Variants in CNIH3 observed in about 807,000 individuals in gnomAD.
CNIH3 encodes protein cornichon homolog 3.
In CNIH3, 14 loss-of-function variants were observed where a neutral mutation model predicts 24.1. The ratio of observed to expected loss-of-function variants is 0.58; its 90% CI spans 0.38 to 0.91. The LOEUF is 0.91. Among genes scored for constraint, CNIH3 ranks in the 40% least tolerant of loss-of-function variants. The probability of loss-of-function intolerance (pLI) is 0.00; values close to 1 mark genes in which losing one functional copy is unlikely to be tolerated. For missense variants in CNIH3, 178 were observed against 196.8 expected, an observed-to-expected ratio of 0.90 and a Z score of 0.57; for synonymous variants, 68 against 73.8, an observed-to-expected ratio of 0.92 and a Z score of 0.40.
intron 1 of CNIH3, among the ~76,000 whole-genome samples, chr1:224,446,313 A>G (rs1675165662): frequency 6.6e-6 from 1 of 151,720 alleles, no homozygotes; most frequent in Non-Finnish European, 1.5e-5. Flanking sequence ...CAATTTGTCA[A>G]ATTTTGATTG....
chr1:224,479,548 C>T (rs1350785453), intron 1 of CNIH3, among the ~76,000 whole-genome samples: 2 of 152,206 alleles, frequency 1.3e-5, no homozygotes, highest in Non-Finnish European at 2.9e-5. Context: ...ACCTATGAGC[C>T]TGTTAAATCA....
chr1:224,487,002 C>G (rs1252497699), intron 1 of CNIH3, among the ~76,000 whole-genome samples: 4 of 152,160 alleles, frequency 2.6e-5, no homozygotes, highest in Admixed American at 1.3e-4. Context: ...GATCTATAAC[C>G]AAACTCATAA....
chr1:224,730,705 T>C (rs867173221), intron 4 of CNIH3, 131 bp downstream of exon 4: 50 of 616,036 alleles, frequency 8.1e-5, no homozygotes, highest in African/African-American at 7.2e-4. Context: ...GTCTCTCTCT[T>C]TAAAGCCTGT....
intron 5 of CNIH3, among the ~76,000 whole-genome samples, chr1:224,736,894 C>A (rs1251204002): frequency 6.6e-6 from 1 of 152,204 alleles, no homozygotes; most frequent in Non-Finnish European, 1.5e-5. Flanking sequence ...GGACTTGCCA[C>A]CTTGGAGGTT....
intron 3 of CNIH3, among the ~76,000 whole-genome samples, chr1:224,701,290 C>T (rs201362141): frequency 6.6e-6 from 1 of 151,898 alleles, no homozygotes; most frequent in East Asian, 1.9e-4. Context: ...ACAAAATACC[C>T]TAGACTCAGT....
rs554844229 is a variant in CNIH3, at chr1:224,570,421, C to T, written n.516+4157C>T. On this transcript the variant is annotated intron_variant and non_coding_transcript_variant, in intron 4 of 5. Transcript: ENST00000471578. ...CTTATAAGTGAGAACATGCGATATT[C>T]GGTTTTCTGTTTCTGCATTAATTTG... is the stretch of plus-strand genomic sequence containing the variant. Among the ~76,000 whole-genome samples the T allele has an allele frequency of 3.9e-5, 6 of 152,222 alleles. No individual in the cohort carries two copies. In the South Asian group the frequency reaches 1.0e-3, roughly 26 times the overall value.
chr1:224,538,938 G>A (rs1240132656), downstream of CNIH3, among the ~76,000 whole-genome samples: 3 of 150,606 alleles, frequency 2.0e-5, no homozygotes, highest in Non-Finnish European at 2.9e-5. Context: ...AAAGTGCTGC[G>A]ATTACAGGCA....
At position 224,543,271 on chromosome 1, in the gene CNIH3, A is replaced by G. The variant is rs567239222; in HGVS notation, n.340-3558A>G. 6.6e-5 allele frequency among the ~76,000 whole-genome samples: 10 copies of G among 152,170 alleles called. No homozygotes were observed. The South Asian group carries it at 1.9e-3, about 28-fold the overall frequency. ...ATTCTATGGGGAAAGAGGGCACAGG[A>G]GCTCTATGTGTGGGATCCTTCTGGA... is the stretch of plus-strand genomic sequence containing the variant. On this transcript the variant is annotated intron_variant and non_coding_transcript_variant, in intron 2 of 5. Coordinates refer to the CNIH3 transcript ENST00000471578.
chr1:224,508,178 G>A (rs937502339), intron 1 of CNIH3, among the ~76,000 whole-genome samples: 2 of 152,208 alleles, frequency 1.3e-5, no homozygotes, highest in African/African-American at 4.8e-5. Flanking sequence ...GATAAAACAT[G>A]TCCTTCTCTT....
At chr1:224,710,987 A>G (rs1009717029) in intron 3 of CNIH3, among the ~76,000 whole-genome samples, 12 of 152,264 alleles carry the variant, frequency 7.9e-5, no homozygotes, top group Admixed American at 5.9e-4. Flanking sequence ...ATCTTTTTCA[A>G]CCTTGAGTTC....
intron 3 of CNIH3, among the ~76,000 whole-genome samples, chr1:224,695,170 C>T (rs1687103173): frequency 6.6e-6 from 1 of 152,124 alleles, no homozygotes; most frequent in South Asian, 2.1e-4. Context: ...CAGTTGAAGG[C>T]CTTACTGGAG....
chr1:224,614,975 A>G (rs574355427), upstream of CNIH3, among the ~76,000 whole-genome samples: 20 of 136,834 alleles, frequency 1.5e-4, no homozygotes, highest in East Asian at 6.9e-4. Context: ...AAATAAATAA[A>G]TAAGTAAAAG....
At chr1:224,683,278 G>C (rs6665737) in intron 2 of CNIH3, among the ~76,000 whole-genome samples, 26,784 of 152,082 alleles carry the variant, frequency 0.18, 2,517 homozygotes, top group African/African-American at 0.23. Flanking sequence ...AAAGACTCTA[G>C]GTGCCCCATG....
chr1:224,575,213 G>C (rs56403019), intron 4 of CNIH3: 2 of 1,316,046 alleles, frequency 1.5e-6, no homozygotes, highest in Admixed American at 1.7e-5. Flanking sequence ...AGAGGAACTT[G>C]GTGGTGATCC....
intron 1 of CNIH3, among the ~76,000 whole-genome samples, chr1:224,650,290 T>G (rs1444602646): frequency 1.3e-5 from 2 of 152,078 alleles, no homozygotes; most frequent in African/African-American, 2.4e-5. Flanking sequence ...GCCAGGGCGC[T>G]CTCTGCCTAA....
chr1:224,486,084 G>A (rs188741807), intron 1 of CNIH3, among the ~76,000 whole-genome samples: 68 of 152,004 alleles, frequency 4.5e-4, no homozygotes, highest in African/African-American at 1.4e-3. Flanking sequence ...GTTACCACAG[G>A]CATCTCAAAT....
At chr1:224,506,521 G>A (rs1164263352) in intron 1 of CNIH3, among the ~76,000 whole-genome samples, 1 of 152,184 alleles carries the variant, frequency 6.6e-6, no homozygotes, top group Non-Finnish European at 1.5e-5. Context: ...TAGTCTGCAT[G>A]TTACTCTGTA....
chr1:224,668,878 A>C (rs1679747977), intron 1 of CNIH3, among the ~76,000 whole-genome samples: 2 of 141,266 alleles, frequency 1.4e-5, no homozygotes, highest in South Asian at 4.7e-4. Context: ...GCAGGGCCAG[A>C]TGTAGTGCTG....
chr1:224,532,900 A>G (rs1353578501), intron 2 of CNIH3, among the ~76,000 whole-genome samples: 1 of 152,212 alleles, frequency 6.6e-6, no homozygotes, highest in Non-Finnish European at 1.5e-5. Context: ...GATTATTCCT[A>G]TTGTACAGAT....
Sources: allele counts gnomAD v4.1 joint callset (sites outside exome capture counted in the v4.1 genomes callset), GRCh38; gene constraint gnomAD v4.1.1; transcripts MANE v1.5; gene names NCBI Gene and HGNC (gene_info 2026-07-23, HGNC 2026-07-21).